The following PKD1L3 variants were observed in gnomAD, a reference collection of about 807,000 sequenced individuals.
PKD1L3 encodes polycystin 1 like 3, transient receptor potential channel interacting, also known as polycystin-1-like protein 3.
PKD1L3 carries 239 observed loss-of-function variants against 184.1 expected under a neutral mutation model. The observed-to-expected ratio is 1.30, with a 90% CI of 1.17 to 1.45. The LOEUF (loss-of-function observed/expected upper bound fraction) is 1.45. PKD1L3 is among the 40% of genes most tolerant of loss of function. PKD1L3 has a pLI of 0.00. For synonymous variants in PKD1L3, 996 were observed against 778.8 expected (o/e 1.28, Z -4.64); for missense variants, 2,660 against 2,067.2 (o/e 1.29, Z -5.56).
chr16:71,962,593 TCTC>T (rs2039324812), intron 16 of PKD1L3, among the ~76,000 whole-genome samples: 1 of 152,040 alleles, frequency 6.6e-6, no homozygotes, highest in African/African-American at 2.4e-5. Context: ...TTCAAGCAGT[TCTC>T]CTACCTTAGC....
chr16:71,962,645 C>A (rs1360271517), intron 16 of PKD1L3, among the ~76,000 whole-genome samples: 1 of 151,944 alleles, frequency 6.6e-6, no homozygotes, highest in East Asian at 1.9e-4. Flanking sequence ...CACCACCACG[C>A]CTGGCTAATT....
chr16:71,978,653 C>A (rs1052460097), intron 9 of PKD1L3, among the ~76,000 whole-genome samples: 6 of 151,442 alleles, frequency 4.0e-5, no homozygotes, highest in African/African-American at 1.5e-4. Context: ...GATTCTCCTG[C>A]CTCAGCCTCC....
At chr16:71,955,854 T>C (rs947930786) in intron 16 of PKD1L3, among the ~76,000 whole-genome samples, 1 of 152,136 alleles carries the variant, frequency 6.6e-6, no homozygotes, top group African/African-American at 2.4e-5. Flanking sequence ...CTTGCTGCCA[T>C]GTGAAGAAGG....
chr16:71,935,604 G>A, intron 25 of PKD1L3, 86 bp from the exon 26 acceptor site: 2 of 1,289,920 alleles, frequency 1.6e-6, no homozygotes, highest in Non-Finnish European at 1.1e-6. Context: ...CGCAGCTGAT[G>A]TCTGTGGGCA....
rs1226908384 is a variant in PKD1L3 at position 71,984,030 on chromosome 16, A to G, written c.966+6T>C. The G allele has an allele frequency of 2.6e-6, 4 of 1,551,312 alleles. No individual in the cohort carries two copies. Among genetic ancestry groups the G allele is most frequent in the East Asian group, 2.4e-5 (1 of 40,878 alleles). On this transcript the variant is annotated splice_donor_region_variant and intron_variant, in intron 6 of 29. Coordinates refer to ENST00000620267, the MANE Select transcript of PKD1L3 (RefSeq NM_181536.2). The stretch of plus-strand genomic sequence containing the variant: ...CCTTCTTCCCTCCCAGTCACCCTCC[A>G]CTTACCTGAGCTGGCTTAGAAAATC...
intron 21 of PKD1L3, among the ~76,000 whole-genome samples, chr16:71,948,538 G>C (rs1281392322): frequency 6.6e-6 from 1 of 152,112 alleles, no homozygotes; most frequent in Non-Finnish European, 1.5e-5. Flanking sequence ...ATTTTCTTGA[G>C]ATGGATCCTT....
chr16:71,955,622 G>A (rs1017879467), intron 16 of PKD1L3, among the ~76,000 whole-genome samples: 2 of 151,756 alleles, frequency 1.3e-5, no homozygotes, highest in African/African-American at 4.8e-5. Context: ...TGGTGTGCAG[G>A]TGCACACCAC....
chr16:71,933,378 C>T (rs1394702428), intron 28 of PKD1L3, 42 bp downstream of exon 28: 2 of 1,432,262 alleles, frequency 1.4e-6, no homozygotes, highest in Non-Finnish European at 1.9e-6. Flanking sequence ...TTTCCTTGTT[C>T]AATATATTGA....
Position 71,990,253 on chromosome 16 carries a change from A to G in PKD1L3, c.585+27T>C, listed in dbSNP as rs1459152080. 7 of 1,511,178 alleles carry G rather than the reference A, an allele frequency of 4.6e-6. No individual in the cohort carries two copies. In the Admixed American group the frequency reaches 9.9e-5, roughly 21 times the overall value. The allele number at this position is 1,511,178 out of a possible 1,614,324, so 93.6% of individuals were successfully genotyped here. ...ATGACAAAGAGATCAACATTTCACA[A>G]TGTATGTTGTCAAGGGAAGCACTTA... On this transcript the variant is annotated intron_variant, in intron 4 of 29. Coordinates refer to ENST00000620267, the MANE Select transcript of PKD1L3 (RefSeq NM_181536.2).
rs1195664113 is a variant in PKD1L3 at position 71,950,773 on chromosome 16, G to A, written c.3191-463C>T. Reference sequence around the variant, plus strand: ...TTTTGAGATGGAGTCTTGGTCTGTCGTCCAGGCTGAGTGTAGTGGCACGAT... The same window carrying A: ...TTTTGAGATGGAGTCTTGGTCTGTCATCCAGGCTGAGTGTAGTGGCACGAT... On this transcript the variant is annotated intron_variant, in intron 19 of 29. Coordinates refer to ENST00000620267, the MANE Select transcript of PKD1L3 (RefSeq NM_181536.2). Among the ~76,000 whole-genome samples the A allele has an allele frequency of 6.4e-5, 9 of 141,052 alleles. 1 individual carries two copies. The highest frequency in any genetic ancestry group is 9.0e-5 in the Non-Finnish European group (6 of 66,420). 92.5% of individuals were successfully genotyped at this position (141,052 alleles called of 152,430 possible).
intron 7 of PKD1L3, 140 bp downstream of exon 7, chr16:71,981,919 G>C (rs1186068766): frequency 1.1e-6 from 1 of 919,992 alleles, no homozygotes; most frequent in East Asian, 2.9e-5. Flanking sequence ...CTTGGAGAAG[G>C]CATGGCAGAG....
In PKD1L3 at chr16:71,973,516, A is replaced by G; in HGVS notation, c.1761T>C (p.Asp587=). The G allele has an allele frequency of 6.4e-7, 1 of 1,550,788 alleles. No homozygotes were observed. Among genetic ancestry groups the G allele is most frequent in the Non-Finnish European group, 8.7e-7 (1 of 1,146,340 alleles). Reference sequence around the variant, plus strand: ...GATTCAGCACCCACGTGTACTCCTCATCTTAGAACAAAGAAGAGTGCTTAC... The same window carrying G: ...GATTCAGCACCCACGTGTACTCCTCGTCTTAGAACAAAGAAGAGTGCTTAC... ...TLPKDKVWQK[D]EEYTWVLNPE... Residue 587 remains aspartate (D), a splice_region_variant and synonymous_variant, in exon 12 of 30, where the codon GAT becomes GAC. Coordinates refer to ENST00000620267, the MANE Select transcript of PKD1L3 (RefSeq NM_181536.2).
intron 24 of PKD1L3, among the ~76,000 whole-genome samples, chr16:71,941,942 T>C (rs941788105): frequency 1.3e-5 from 2 of 151,744 alleles, no homozygotes; most frequent in East Asian, 1.9e-4. Context: ...ACTTTTGGGG[T>C]TGGGGACTGG....
At chr16:71,991,992 A>C (rs924511816) in intron 3 of PKD1L3, among the ~76,000 whole-genome samples, 3 of 152,082 alleles carry the variant, frequency 2.0e-5, no homozygotes, top group Non-Finnish European at 4.4e-5. Flanking sequence ...TTTATTTTTA[A>C]AAGTTTTTTG....
chr16:71,931,731 C>T (rs572459844), intron 28 of PKD1L3, among the ~76,000 whole-genome samples: 3 of 152,212 alleles, frequency 2.0e-5, no homozygotes, highest in Admixed American at 2.0e-4. Flanking sequence ...TTCTAGAGTG[C>T]TGGGATTACA....
chr16:71,945,560 C>T (rs778694544), intron 22 of PKD1L3, among the ~76,000 whole-genome samples: 1 of 151,612 alleles, frequency 6.6e-6, no homozygotes, highest in African/African-American at 2.4e-5. Context: ...CACCTGTAAT[C>T]ACAGCTACTC....
chr16:71,969,885 T>A lies in PKD1L3; in HGVS notation c.2174A>T (p.Asp725Val), dbSNP rs753932050. The A allele has an allele frequency of 1.4e-4, 211 of 1,547,878 alleles. 1 individual carries two copies. The highest frequency in any genetic ancestry group is 1.7e-4 in the Non-Finnish European group (189 of 1,143,630). ...VVWARKKDQA[D>V]MQKVKVTVLA... ...TCAAAGTCTCATTACCTTCTGCATA[T>A]CTGCTTGATCCTTTTTCCGAGCCCA... is the stretch of plus-strand genomic sequence containing the variant. Residue 725 changes from aspartate (D) to valine (V), a missense_variant, in exon 13 of 30, where the codon GAT becomes GTT. Coordinates refer to ENST00000620267, the MANE Select transcript of PKD1L3 (RefSeq NM_181536.2).
At chr16:71,995,294 G>A (rs1567557872) in intron 2 of PKD1L3, among the ~76,000 whole-genome samples, 1 of 152,128 alleles carries the variant, frequency 6.6e-6, no homozygotes, top group Non-Finnish European at 1.5e-5. Flanking sequence ...ACGTCTTAAT[G>A]CGATCACATT....
intron 4 of PKD1L3, among the ~76,000 whole-genome samples, chr16:71,987,474 G>A (rs968077458): frequency 6.6e-6 from 1 of 152,084 alleles, no homozygotes; most frequent in African/African-American, 2.4e-5. Context: ...CCCGGTTCAA[G>A]CAATTCTCCT....
Sources: gnomAD v4.1 joint callset for allele counts (sites outside exome capture counted in the v4.1 genomes callset) on GRCh38, gnomAD v4.1.1 for gene constraint, MANE v1.5 for transcripts, NCBI Gene and HGNC (gene_info 2026-07-23, HGNC 2026-07-21) for gene names.